The following DDX10 variants were observed in gnomAD, a reference collection of about 807,000 sequenced individuals.
DDX10 encodes the protein DEAD-box helicase 10, also known as probable ATP-dependent RNA helicase DDX10.
Under a neutral mutation model 104.3 loss-of-function variants are expected in DDX10, and 74 were observed. That is an observed-to-expected ratio of 0.71 (90% CI 0.59 to 0.86). DDX10 has a LOEUF of 0.86. Ranked by LOEUF, DDX10 falls within the 40% of genes least tolerant of loss-of-function variation. The probability of loss-of-function intolerance (pLI) is 0.00; values close to 1 mark genes in which losing one functional copy is unlikely to be tolerated. For synonymous variants in DDX10, 351 were observed against 353.4 expected, an observed-to-expected ratio of 0.99 and a Z score of 0.08; for missense variants, 952 against 1,040.0, an observed-to-expected ratio of 0.92 and a Z score of 1.16.
At chr11:108,928,179 T>G (rs997261004) in intron 17 of DDX10, among the ~76,000 whole-genome samples, 1 of 152,220 alleles carries the variant, frequency 6.6e-6, no homozygotes, top group Non-Finnish European at 1.5e-5. Flanking sequence ...TGTAAGTTTA[T>G]TGGCTAAAGT....
At chr11:108,752,014 T>C (rs2094339328) in intron 13 of DDX10, among the ~76,000 whole-genome samples, 8 of 152,122 alleles carry the variant, frequency 5.3e-5, no homozygotes, top group Admixed American at 5.2e-4. Flanking sequence ...TCTTAGTATA[T>C]GGTTAAGTTT....
intron 13 of DDX10, among the ~76,000 whole-genome samples, chr11:108,764,322 G>A (rs994334928): frequency 1.3e-5 from 2 of 152,160 alleles, no homozygotes; most frequent in African/African-American, 4.8e-5. Context: ...GGGGGGAATA[G>A]CATCTTGAGG....
chr11:108,683,450 G>A (rs1008209148), intron 6 of DDX10, among the ~76,000 whole-genome samples: 2 of 152,200 alleles, frequency 1.3e-5, no homozygotes, highest in African/African-American at 4.8e-5. Flanking sequence ...AAGTGAGGTT[G>A]TTAACAGAGG....
At chr11:108,842,351 A>G (rs1862649695) in intron 15 of DDX10, among the ~76,000 whole-genome samples, 3 of 152,212 alleles carry the variant, frequency 2.0e-5, no homozygotes, top group Admixed American at 2.0e-4. Context: ...CCTGAGAAAC[A>G]CTGCTATATA....
chr11:108,719,505 A>G (rs533896838), intron 11 of DDX10, among the ~76,000 whole-genome samples: 6 of 152,194 alleles, frequency 3.9e-5, no homozygotes, highest in African/African-American at 1.2e-4. Flanking sequence ...CAAAGCCTAT[A>G]TTTTCCCCAT....
At chr11:108,891,449 G>A (rs1343962268) in intron 16 of DDX10, among the ~76,000 whole-genome samples, 1 of 152,122 alleles carries the variant, frequency 6.6e-6, no homozygotes, top group Non-Finnish European at 1.5e-5. Context: ...TACATGTGCA[G>A]AAAGCATTTA....
intron 16 of DDX10, among the ~76,000 whole-genome samples, chr11:108,857,010 A>G (rs752647755): frequency 6.6e-6 from 1 of 152,210 alleles, no homozygotes; most frequent in Non-Finnish European, 1.5e-5. Context: ...GTATACATAC[A>G]TAGCTACATA....
At position 108,896,003 on chromosome 11, in the gene DDX10, T is replaced by A. The variant is rs149761328; in HGVS notation, c.2305-21870T>A. Among the ~76,000 whole-genome samples the A allele has an allele frequency of 2.0e-4, 30 of 152,242 alleles. No individual in the cohort carries two copies. In the East Asian group the frequency reaches 5.4e-3, roughly 27 times the overall value. On this transcript the variant is annotated intron_variant, in intron 16 of 17. Transcript: ENST00000322536. ...TATTTACCAAGCAGGACTGGAATGT[T>A]TGTATACATCGTGCCACCCAAATGT...
At chr11:108,843,208 A>G (rs189159986) in intron 15 of DDX10, among the ~76,000 whole-genome samples, 71 of 152,166 alleles carry the variant, frequency 4.7e-4, no homozygotes, top group African/African-American at 1.6e-3. Flanking sequence ...GTAGTGTGCT[A>G]TAACTGCACC....
At chr11:108,725,016 C>G (rs1005739790) in intron 13 of DDX10, among the ~76,000 whole-genome samples, 2 of 152,058 alleles carry the variant, frequency 1.3e-5, no homozygotes, top group African/African-American at 2.4e-5. Context: ...CTTCACTCAA[C>G]CTCTGGCAAC....
intron 13 of DDX10, among the ~76,000 whole-genome samples, chr11:108,805,270 G>A (rs915015898): frequency 6.6e-6 from 1 of 152,236 alleles, no homozygotes; most frequent in African/African-American, 2.4e-5. Flanking sequence ...AGCAGTTTCG[G>A]TGCCCTGCCA....
At chr11:108,761,921 T>C (rs2094351335) in intron 13 of DDX10, among the ~76,000 whole-genome samples, 1 of 152,156 alleles carries the variant, frequency 6.6e-6, no homozygotes, top group African/African-American at 2.4e-5. Flanking sequence ...ATTAAGTAAA[T>C]TTATATAATA....
intron 13 of DDX10, among the ~76,000 whole-genome samples, chr11:108,766,197 T>C (rs897125740): frequency 6.6e-6 from 1 of 152,202 alleles, no homozygotes; most frequent in African/African-American, 2.4e-5. Flanking sequence ...TTTGCTTTTA[T>C]ATCCCTCACA....
At position 108,665,266 on chromosome 11, in the gene DDX10, G is replaced by C; in HGVS notation, c.113G>C (p.Arg38Thr). The stretch of plus-strand genomic sequence containing the variant: ...AGGCAGAACAAAAAGAAGCAGTTGA[G>C]GAAGCAACTGAAGAAACCCGAATGG... ...SHRQNKKKQL[R>T]KQLKKPEWQV... Residue 38 changes from arginine (R) to threonine (T), a missense_variant, in exon 1 of 18, where the codon AGG becomes ACG. Coordinates refer to ENST00000322536, the MANE Select transcript of DDX10 (RefSeq NM_004398.4). 3.1e-6 allele frequency: 5 copies of C among 1,610,478 alleles called. No individual in the cohort carries two copies. The highest frequency in any genetic ancestry group is 4.2e-6 in the Non-Finnish European group (5 of 1,178,598).
rs181209833 is a variant in DDX10 at position 108,769,541 on chromosome 11, A to G, written c.1965+46079A>G. On this transcript the variant is annotated intron_variant, in intron 13 of 17. Transcript: ENST00000322536. ...TTAGTTATTTTGTAGTATCCGTCAC[A>G]TAATTCTATTATCTAAATGTCTTGG... Among the ~76,000 whole-genome samples, 172 of 152,276 alleles carry G rather than the reference A, an allele frequency of 1.1e-3. 2 individuals carry two copies. The highest frequency in any genetic ancestry group is 4.0e-3 in the African/African-American group (167 of 41,588).
Position 108,698,545 on chromosome 11 carries a change from G to A in DDX10, c.1223+4945G>A, listed in dbSNP as rs568323430. Among the ~76,000 whole-genome samples the A allele has an allele frequency of 4.6e-5, 7 of 152,288 alleles. No homozygotes were observed. The South Asian group carries it at 1.5e-3, about 32-fold the overall frequency. ...AGCTGGGGGAGAGTATAGCCAGTAT[G>A]GCTGTAGGAGTAGATAAGGAGGGCT... On this transcript the variant is annotated intron_variant, in intron 9 of 17. Transcript: ENST00000322536.
intron 2 of DDX10, among the ~76,000 whole-genome samples, chr11:108,675,157 C>G (rs183942117): frequency 8.9e-4 from 135 of 151,396 alleles, no homozygotes; most frequent in Middle Eastern, 6.8e-3. Flanking sequence ...ATTTTCTTTA[C>G]TCATTCATGG....
At chr11:108,736,834 C>G (rs2094319010) in intron 13 of DDX10, among the ~76,000 whole-genome samples, 2 of 152,102 alleles carry the variant, frequency 1.3e-5, no homozygotes, top group African/African-American at 4.8e-5. Context: ...TTACACTGTT[C>G]CAGGTATTTT....
At chr11:108,816,527 A>G (rs1375914820) in intron 13 of DDX10, among the ~76,000 whole-genome samples, 2 of 147,740 alleles carry the variant, frequency 1.4e-5, no homozygotes, top group Non-Finnish European at 3.0e-5. Flanking sequence ...CAAACCCTCT[A>G]TCTTGTGTGT....
Sources: gnomAD v4.1 joint callset for allele counts (sites outside exome capture counted in the v4.1 genomes callset) on GRCh38, gnomAD v4.1.1 for gene constraint, MANE v1.5 for transcripts, NCBI Gene and HGNC (gene_info 2026-07-23, HGNC 2026-07-21) for gene names.